The following LRMDA variants were observed in gnomAD, a reference collection of about 807,000 sequenced individuals.
LRMDA encodes the protein leucine-rich melanocyte differentiation-associated protein.
LRMDA carries 18 observed loss-of-function variants against 29.8 expected under a neutral mutation model. The observed-to-expected ratio is 0.60, with a 90% CI of 0.42 to 0.90. The LOEUF (loss-of-function observed/expected upper bound fraction) is 0.90, where lower values mean the gene tolerates loss of function less well. Among genes scored for constraint, LRMDA ranks in the 40% least tolerant of loss-of-function variants. The pLI is 0.00. For missense variants in LRMDA, 273 were observed against 273.9 expected (o/e 1.00, Z 0.02); for synonymous variants, 125 against 109.4 (o/e 1.14, Z -0.89).
chr10:76,142,514 G>A (rs975498391), intron 5 of LRMDA, among the ~76,000 whole-genome samples: 2 of 34,390 alleles, frequency 5.8e-5, no homozygotes, highest in African/African-American at 3.1e-4. Context: ...AGCTTGTCAC[G>A]CTTGATTTTT....
chr10:75,745,773 A>C (rs921516903), intron 2 of LRMDA, among the ~76,000 whole-genome samples: 1 of 152,046 alleles, frequency 6.6e-6, no homozygotes, highest in African/African-American at 2.4e-5. Context: ...TTTAGTTATC[A>C]TGTCTCCTTC....
intron 2 of LRMDA, among the ~76,000 whole-genome samples, chr10:75,914,101 C>A (rs1257827784): frequency 2.0e-5 from 3 of 152,092 alleles, no homozygotes; most frequent in African/African-American, 7.2e-5. Context: ...AAAAAGCCTG[C>A]GAAAAGCAAC....
intron 6 of LRMDA, among the ~76,000 whole-genome samples, chr10:76,414,587 G>A (rs543322406): frequency 4.6e-5 from 7 of 152,340 alleles, no homozygotes; most frequent in African/African-American, 1.7e-4. Context: ...GTTGACTGGA[G>A]TTCTTGTGGA....
chr10:76,427,742 G>T (rs1842144582), intron 6 of LRMDA, among the ~76,000 whole-genome samples: 1 of 152,146 alleles, frequency 6.6e-6, no homozygotes, highest in African/African-American at 2.4e-5. Context: ...CTGTGGGTTT[G>T]TCATAAATAG....
At chr10:75,774,756 A>G (rs1161585710) in intron 2 of LRMDA, among the ~76,000 whole-genome samples, 4 of 152,184 alleles carry the variant, frequency 2.6e-5, no homozygotes, top group Non-Finnish European at 5.9e-5. Flanking sequence ...GACAACTGAC[A>G]AGTTAAATAA....
chr10:75,692,219 A>ATATATATAT (rs1554820676), intron 2 of LRMDA, among the ~76,000 whole-genome samples: 1 of 87,548 alleles, frequency 1.1e-5, no homozygotes, highest in African/African-American at 5.5e-5. Context: ...AAAAAAAAAA[A>ATATATATAT]ATATATATAT....
intron 2 of LRMDA, among the ~76,000 whole-genome samples, chr10:75,523,180 T>C (rs903429735): frequency 2.6e-5 from 4 of 152,216 alleles, no homozygotes; most frequent in African/African-American, 9.6e-5. Context: ...TGTAAAGTAC[T>C]GTCCACATAT....
intron 5 of LRMDA, among the ~76,000 whole-genome samples, chr10:76,229,615 G>A (rs1326583217): frequency 6.6e-6 from 1 of 152,108 alleles, no homozygotes; most frequent in South Asian, 2.1e-4. Flanking sequence ...GTAGAGGGGT[G>A]AGAGAGGGTG....
At chr10:76,068,360 A>T (rs1207321102) in intron 5 of LRMDA, among the ~76,000 whole-genome samples, 1 of 152,242 alleles carries the variant, frequency 6.6e-6, no homozygotes, top group Non-Finnish European at 1.5e-5. Flanking sequence ...TTAGGGCAGC[A>T]GTCACCAACG....
At chr10:76,416,975 G>A (rs530177833) in intron 6 of LRMDA, among the ~76,000 whole-genome samples, 8 of 152,240 alleles carry the variant, frequency 5.3e-5, no homozygotes, top group East Asian at 3.9e-4. Context: ...CTCCTAGGCC[G>A]GAAATGTTTC....
chr10:75,446,181 G>A (rs537617382), intron 2 of LRMDA, among the ~76,000 whole-genome samples: 14 of 152,354 alleles, frequency 9.2e-5, no homozygotes, highest in Middle Eastern at 3.4e-3. Context: ...GGGAAGATGG[G>A]CAGTGTAATG....
At chr10:76,220,368 A>G (rs916096487) in intron 5 of LRMDA, among the ~76,000 whole-genome samples, 8 of 152,134 alleles carry the variant, frequency 5.3e-5, no homozygotes, top group Non-Finnish European at 1.0e-4. Context: ...TTGATAGACC[A>G]CTAGCAAGAC....
At chr10:75,782,746 T>C in intron 2 of LRMDA, 1 of 1,359,208 alleles carries the variant, frequency 7.4e-7, no homozygotes, top group Non-Finnish European at 9.5e-7. Flanking sequence ...TGCAAGCAGA[T>C]GCCCTTTGCT....
chr10:75,874,073 A>G (rs1329465533), intron 2 of LRMDA, among the ~76,000 whole-genome samples: 1 of 152,082 alleles, frequency 6.6e-6, no homozygotes, highest in African/African-American at 2.4e-5. Context: ...ACCACATCCC[A>G]CCCTCACCCC....
At chr10:75,932,629 A>G (rs1486820671) in intron 2 of LRMDA, among the ~76,000 whole-genome samples, 1 of 151,872 alleles carries the variant, frequency 6.6e-6, no homozygotes, top group Admixed American at 6.6e-5. Flanking sequence ...ACAAACCAAA[A>G]CAACAGAAAA....
intron 2 of LRMDA, among the ~76,000 whole-genome samples, chr10:75,471,095 T>G (rs1217985716): frequency 6.6e-6 from 1 of 152,188 alleles, no homozygotes; most frequent in Non-Finnish European, 1.5e-5. Flanking sequence ...ATGATTACAG[T>G]CACGTTCTTG....
chr10:76,271,622 C>T (rs893225844), intron 5 of LRMDA, among the ~76,000 whole-genome samples: 1 of 152,008 alleles, frequency 6.6e-6, no homozygotes. Flanking sequence ...CTCATTTTGG[C>T]CAGAAATATA....
At chr10:76,093,574 TCTC>T (rs776492223) in intron 5 of LRMDA, among the ~76,000 whole-genome samples, 2 of 151,982 alleles carry the variant, frequency 1.3e-5, no homozygotes, top group Non-Finnish European at 1.5e-5. Context: ...CTCCTTTCCT[TCTC>T]CTCCTCCTTC....
rs575544735 is a variant in LRMDA, at chr10:75,792,306, C to T, written c.132-243702C>T. On this transcript the variant is annotated intron_variant, in intron 2 of 6. Coordinates refer to ENST00000611255, the MANE Select transcript of LRMDA (RefSeq NM_001305581.2). ...TTGAGATGGAGTCTCACTCTGTCAC[C>T]CAGGCTGGAGTGCAGTGGTGCAATC... Among the ~76,000 whole-genome samples the T allele has an allele frequency of 7.9e-5, 12 of 151,886 alleles. No homozygotes were observed. In the East Asian group the frequency reaches 2.0e-3, roughly 25 times the overall value.
Sources: allele counts gnomAD v4.1 joint callset (sites outside exome capture counted in the v4.1 genomes callset), GRCh38; gene constraint gnomAD v4.1.1; transcripts MANE v1.5; gene names NCBI Gene and HGNC (gene_info 2026-07-23, HGNC 2026-07-21).